Variants in MAF observed in about 807,000 individuals in gnomAD.
MAF encodes MAF bZIP transcription factor.
In MAF, 10 loss-of-function variants were observed where a neutral mutation model predicts 22.0. The observed-to-expected ratio is 0.45, with a 90% CI of 0.28 to 0.77. The LOEUF is 0.77. Among genes scored for constraint, MAF ranks in the 30% least tolerant of loss-of-function variants. MAF has a pLI of 0.12. For synonymous variants in MAF, 337 were observed against 255.8 expected, an observed-to-expected ratio of 1.32 and a Z score of -3.03; for missense variants, 544 against 548.4, an observed-to-expected ratio of 0.99 and a Z score of 0.08.
the MAF span, among the ~76,000 whole-genome samples, chr16:79,384,196 C>T: frequency 6.6e-6 from 1 of 152,080 alleles, no homozygotes; most frequent in African/African-American, 2.4e-5. Flanking sequence ...GTAATCTTAC[C>T]ACTTTGGGAG....
rs1913439819 is a variant in MAF, at chr16:79,595,142, A to C, written c.1119-589T>G. The C allele has an allele frequency of 4.8e-6, 5 of 1,038,132 alleles. No homozygotes were observed. In the South Asian group the frequency reaches 1.8e-4, roughly 38 times the overall value. The allele number at this position is 1,038,132 out of a possible 1,614,324, so 64.3% of individuals were successfully genotyped here. ...TGATGAGGAAAAAAAAAAAAAAAGG[A>C]AAGAAATATCTGAAGTCAAGAACAC... On this transcript the variant is annotated intron_variant, in intron 1 of 1. Coordinates refer to ENST00000326043, the MANE Select transcript of MAF (RefSeq NM_005360.5).
the MAF span, among the ~76,000 whole-genome samples, chr16:79,266,267 G>T: frequency 2.0e-5 from 3 of 152,256 alleles, no homozygotes; most frequent in African/African-American, 7.2e-5. Context: ...CTTATAAATT[G>T]TTTATGTCTA....
At chr16:79,210,063 C>G in the MAF span, among the ~76,000 whole-genome samples, 1 of 152,176 alleles carries the variant, frequency 6.6e-6, no homozygotes, top group South Asian at 2.1e-4. Context: ...AATTCAGGAC[C>G]AGTGGAACTT....
chr16:79,386,415 C>G, the MAF span, among the ~76,000 whole-genome samples: 2 of 152,074 alleles, frequency 1.3e-5, 1 homozygote, highest in South Asian at 4.2e-4. Context: ...AGGGTTCATG[C>G]TCCTTTGAGA....
At chr16:79,519,044 C>T in the MAF span, among the ~76,000 whole-genome samples, 1 of 152,208 alleles carries the variant, frequency 6.6e-6, no homozygotes, top group African/African-American at 2.4e-5. Flanking sequence ...TATCACATGT[C>T]TTAGTGTAAT....
chr16:79,438,166 A>G, the MAF span, among the ~76,000 whole-genome samples: 1 of 152,120 alleles, frequency 6.6e-6, no homozygotes, highest in Non-Finnish European at 1.5e-5. Flanking sequence ...ATGCCAAGCT[A>G]CAAGGCCCTT....
At chr16:79,490,495 AC>A in the MAF span, among the ~76,000 whole-genome samples, 24 of 152,264 alleles carry the variant, frequency 1.6e-4, no homozygotes, top group Middle Eastern at 3.2e-3. Context: ...ATACACTCAT[AC>A]AATGCAACTC....
At chr16:79,547,853 G>A in the MAF span, among the ~76,000 whole-genome samples, 2 of 151,680 alleles carry the variant, frequency 1.3e-5, no homozygotes, top group Non-Finnish European at 2.9e-5. Context: ...GCTTTCGTCT[G>A]CAAACTATCT....
the MAF span, among the ~76,000 whole-genome samples, chr16:79,492,424 G>T: frequency 6.6e-6 from 1 of 151,970 alleles, no homozygotes; most frequent in Non-Finnish European, 1.5e-5. Flanking sequence ...CTGTATTTGG[G>T]CAATTTACAT....
downstream of MAF, chr16:79,593,784 T>C (rs1012842444): frequency 1.8e-4 from 31 of 174,638 alleles, no homozygotes; most frequent in Non-Finnish European, 2.6e-4. Context: ...GTGATTTTTT[T>C]TTTTTTGAGT....
At chr16:79,560,657 C>G in the MAF span, among the ~76,000 whole-genome samples, 1 of 152,082 alleles carries the variant, frequency 6.6e-6, no homozygotes, top group African/African-American at 2.4e-5. Flanking sequence ...CATGAAAATC[C>G]TCCTGAGGAA....
At chr16:79,504,707 G>A in the MAF span, among the ~76,000 whole-genome samples, 1 of 152,162 alleles carries the variant, frequency 6.6e-6, no homozygotes, top group African/African-American at 2.4e-5. Flanking sequence ...GGATGGATGA[G>A]TGGATGATGG....
downstream of MAF, among the ~76,000 whole-genome samples, chr16:79,582,782 G>A (rs1912601230): frequency 6.6e-6 from 1 of 152,198 alleles, no homozygotes; most frequent in South Asian, 2.1e-4. Flanking sequence ...TCGAATTTGG[G>A]ATAGATGGGT....
chr16:79,295,493 G>T, the MAF span, among the ~76,000 whole-genome samples: 1 of 152,174 alleles, frequency 6.6e-6, no homozygotes, highest in Admixed American at 6.5e-5. Flanking sequence ...GGCACATTTG[G>T]TTGGCCAAAA....
chr16:79,543,457 T>C, the MAF span, among the ~76,000 whole-genome samples: 1 of 152,214 alleles, frequency 6.6e-6, no homozygotes, highest in Non-Finnish European at 1.5e-5. Context: ...GGTGGACACC[T>C]AGCGGATGTT....
the MAF span, among the ~76,000 whole-genome samples, chr16:79,260,068 A>T: frequency 3.9e-5 from 6 of 152,202 alleles, no homozygotes; most frequent in Non-Finnish European, 7.3e-5. Context: ...GCTGACTGGG[A>T]TATTTTTTCT....
chr16:79,542,084 G>C, the MAF span, among the ~76,000 whole-genome samples: 98 of 152,270 alleles, frequency 6.4e-4, no homozygotes, highest in East Asian at 0.013. Flanking sequence ...GACTCCAAGC[G>C]TTTCAGTCTT....
At chr16:79,562,764 T>C in the MAF span, among the ~76,000 whole-genome samples, 2 of 152,186 alleles carry the variant, frequency 1.3e-5, no homozygotes, top group East Asian at 3.9e-4. Context: ...TTGTACTCAC[T>C]CCTAGGAAAA....
At chr16:79,332,359 G>C in the MAF span, among the ~76,000 whole-genome samples, 1 of 152,020 alleles carries the variant, frequency 6.6e-6, no homozygotes, top group Non-Finnish European at 1.5e-5. Flanking sequence ...GGTGTGCAGT[G>C]GCGCTGTCAC....
Sources: allele counts gnomAD v4.1 joint callset (sites outside exome capture counted in the v4.1 genomes callset), GRCh38; gene constraint gnomAD v4.1.1; transcripts MANE v1.5; gene names NCBI Gene and HGNC (gene_info 2026-07-23, HGNC 2026-07-21).